Variants in ACSS3 observed in about 807,000 individuals in gnomAD.
ACSS3 encodes the protein acyl-CoA synthetase short-chain family member 3, mitochondrial.
A neutral mutation model predicts 84.2 loss-of-function variants in ACSS3; 64 were observed. The ratio of observed to expected loss-of-function variants is 0.76; its 90% CI spans 0.62 to 0.94. The LOEUF is 0.94. ACSS3 is among the 40% of genes least tolerant of loss of function. ACSS3 has a pLI of 0.00. For missense variants in ACSS3, 815 were observed against 867.6 expected (o/e 0.94, Z 0.76); for synonymous variants, 317 against 310.1 (o/e 1.02, Z -0.23).
At chr12:81,208,474 G>T (rs544443588) in intron 9 of ACSS3, among the ~76,000 whole-genome samples, 1 of 151,682 alleles carries the variant, frequency 6.6e-6, no homozygotes, top group African/African-American at 2.4e-5. Context: ...CTTTTGCCCC[G>T]TATCCAGACA....
At position 81,257,988 on chromosome 12, in the gene ACSS3, CATT is replaced by C. The variant is rs926965039; in HGVS notation, c.*3069_*3071del. 3.3e-5 allele frequency: 5 copies of C among 151,974 alleles called. No homozygotes were observed. The highest frequency in any genetic ancestry group is 1.3e-4 in the Admixed American group (2 of 15,252). 9.4% of individuals were successfully genotyped at this position (151,974 alleles called of 1,614,324 possible). The stretch of plus-strand genomic sequence containing the variant: ...ATAGTAGATACAAATCTAGTTATGG[CATT>C]ATAATGTCGTAGTTCCTATATTCTA... On this transcript the variant is annotated 3_prime_UTR_variant, in exon 16 of 16. Transcript: ENST00000548058.
chr12:81,257,715 T>C lies in ACSS3; in HGVS notation c.*2793T>C, dbSNP rs1056718972. 1.3e-5 allele frequency: 2 copies of C among 152,070 alleles called. No individual in the cohort carries two copies. The highest frequency in any genetic ancestry group is 1.3e-4 in the Admixed American group (2 of 15,244). The allele number at this position is 152,070 out of a possible 1,614,324, so 9.4% of individuals were successfully genotyped here. A position where few individuals can be genotyped will look rare whatever the true frequency, so the allele number is the denominator to read the frequency against. On this transcript the variant is annotated 3_prime_UTR_variant, in exon 16 of 16. Coordinates refer to ENST00000548058, the MANE Select transcript of ACSS3 (RefSeq NM_024560.4). ...TTTGAAAGGTCCTGAACATTAAAAA[T>C]GTGAAAATTTATAATGTTGATGATC...
At position 81,259,718 on chromosome 12, in the gene ACSS3, A is replaced by C; in HGVS notation, c.*4796A>C. Reference sequence around the variant, plus strand: ...GAAAAGTCCCAGACTGGGAAATCTCATTCTACTCCTCTGTGGTGTACCTCC... The same window carrying C: ...GAAAAGTCCCAGACTGGGAAATCTCCTTCTACTCCTCTGTGGTGTACCTCC... On this transcript the variant is annotated 3_prime_UTR_variant, in exon 16 of 16. Coordinates refer to ENST00000548058, the MANE Select transcript of ACSS3 (RefSeq NM_024560.4). The C allele has an allele frequency of 7.2e-4, 1,009 of 1,406,732 alleles. No individual in the cohort carries two copies. Among genetic ancestry groups the C allele is most frequent in the Non-Finnish European group, 8.9e-4 (920 of 1,030,252 alleles). The allele number at this position is 1,406,732 out of a possible 1,614,324, so 87.1% of individuals were successfully genotyped here. A position where few individuals can be genotyped will look rare whatever the true frequency, so the allele number is the denominator to read the frequency against.
At chr12:81,101,671 A>T (rs1882520874) in intron 1 of ACSS3, among the ~76,000 whole-genome samples, 1 of 152,118 alleles carries the variant, frequency 6.6e-6, no homozygotes, top group Non-Finnish European at 1.5e-5. Flanking sequence ...GAGCCCTCCT[A>T]AGTTGCTGAA....
chr12:81,081,282 T>C (rs1353037358), intron 1 of ACSS3, among the ~76,000 whole-genome samples: 1 of 152,218 alleles, frequency 6.6e-6, no homozygotes, highest in African/African-American at 2.4e-5. Context: ...GGAACTTCCA[T>C]TGTAGTGAAT....
chr12:81,142,942 T>C (rs1886161493), intron 4 of ACSS3, among the ~76,000 whole-genome samples, 165 bp from the exon 5 acceptor site: 1 of 152,232 alleles, frequency 6.6e-6, no homozygotes, highest in African/African-American at 2.4e-5. Flanking sequence ...TAAACATTTA[T>C]GTTAAATCAT....
intron 9 of ACSS3, among the ~76,000 whole-genome samples, chr12:81,206,296 G>A (rs1319375226): frequency 1.3e-5 from 2 of 152,044 alleles, no homozygotes; most frequent in Non-Finnish European, 2.9e-5. Flanking sequence ...AATGCAAACT[G>A]TAGAACTCAA....
chr12:81,120,804 T>C (rs1192937044), intron 2 of ACSS3, among the ~76,000 whole-genome samples: 1 of 152,188 alleles, frequency 6.6e-6, no homozygotes, highest in Non-Finnish European at 1.5e-5. Flanking sequence ...CTTGGAGATA[T>C]TGACTGTTCA....
chr12:81,229,620 C>T (rs764712479), intron 11 of ACSS3, among the ~76,000 whole-genome samples: 1 of 151,834 alleles, frequency 6.6e-6, no homozygotes, highest in Non-Finnish European at 1.5e-5. Flanking sequence ...CAACCTATTG[C>T]CTTCATACAG....
intron 2 of ACSS3, among the ~76,000 whole-genome samples, chr12:81,112,490 C>T (rs940000360): frequency 1.3e-5 from 2 of 152,122 alleles, no homozygotes; most frequent in Non-Finnish European, 2.9e-5. Context: ...ATCTTTCAAA[C>T]CCTTTCTGTG....
chr12:81,254,480 G>A (rs985264200), intron 15 of ACSS3, among the ~76,000 whole-genome samples: 2 of 152,072 alleles, frequency 1.3e-5, no homozygotes, highest in African/African-American at 4.8e-5. Context: ...TGTACATTAT[G>A]TGTGCAAAGA....
At chr12:81,120,623 AATAG>A (rs1467977787) in intron 2 of ACSS3, among the ~76,000 whole-genome samples, 3 of 152,176 alleles carry the variant, frequency 2.0e-5, no homozygotes, top group Admixed American at 2.0e-4. Context: ...GGTTTTCTGA[AATAG>A]ATAAATACAT....
intron 13 of ACSS3, among the ~76,000 whole-genome samples, chr12:81,246,978 G>A (rs1439623943): frequency 6.6e-6 from 1 of 152,124 alleles, no homozygotes; most frequent in Non-Finnish European, 1.5e-5. Flanking sequence ...CCTATCTTCA[G>A]TTCAAACTTA....
chr12:81,229,149 A>C (rs1044945433), intron 11 of ACSS3, among the ~76,000 whole-genome samples: 8 of 151,838 alleles, frequency 5.3e-5, no homozygotes, highest in Non-Finnish European at 1.0e-4. Context: ...TAATAGAGCA[A>C]TAATTTCCAA....
intron 13 of ACSS3, among the ~76,000 whole-genome samples, chr12:81,243,499 G>GA (rs1565740932): frequency 6.6e-6 from 1 of 152,036 alleles, no homozygotes; most frequent in Non-Finnish European, 1.5e-5. Flanking sequence ...CACAGAATTG[G>GA]AAAAAACTAC....
intron 2 of ACSS3, chr12:81,125,439 C>G (rs1885018957): frequency 6.6e-6 from 1 of 152,158 alleles, no homozygotes; most frequent in Non-Finnish European, 1.5e-5. Flanking sequence ...TTTACTTCCT[C>G]TCTTTATTAT....
intron 8 of ACSS3, among the ~76,000 whole-genome samples, chr12:81,197,350 C>A (rs1458517509): frequency 1.3e-5 from 2 of 152,098 alleles, no homozygotes. Context: ...GTCAAATGCA[C>A]CTTCAGGGCC....
chr12:81,240,754 T>C (rs1256411601), intron 13 of ACSS3, among the ~76,000 whole-genome samples: 1 of 152,084 alleles, frequency 6.6e-6, no homozygotes, highest in East Asian at 1.9e-4. Flanking sequence ...GTTTGCAATA[T>C]ATGTTTACAA....
At chr12:81,227,398 T>TACACACACACACACAC (rs34993441) in intron 11 of ACSS3, among the ~76,000 whole-genome samples, 5 of 148,590 alleles carry the variant, frequency 3.4e-5, no homozygotes, top group East Asian at 2.0e-4. Context: ...GAGGACTATT[T>TACACACACACACACAC]ACACACACAC....
Sources: gnomAD v4.1 joint callset for allele counts (sites outside exome capture counted in the v4.1 genomes callset) on GRCh38, gnomAD v4.1.1 for gene constraint, MANE v1.5 for transcripts, NCBI Gene and HGNC (gene_info 2026-07-23, HGNC 2026-07-21) for gene names.